Variants in PLEKHA6 observed in about 807,000 individuals in gnomAD.
PLEKHA6 encodes pleckstrin homology domain-containing family A member 6.
In PLEKHA6, 60 loss-of-function variants were observed where a neutral mutation model predicts 116.7. The ratio of observed to expected loss-of-function variants is 0.51; its 90% CI spans 0.42 to 0.64. The LOEUF (loss-of-function observed/expected upper bound fraction) is 0.64, where lower values mean the gene tolerates loss of function less well. PLEKHA6 is among the 30% of genes least tolerant of loss of function. The probability of loss-of-function intolerance (pLI) is 0.00; values close to 1 mark genes in which losing one functional copy is unlikely to be tolerated. For missense variants in PLEKHA6, 1,338 were observed against 1,422.7 expected (o/e 0.94, Z 0.96); for synonymous variants, 489 against 556.1 (o/e 0.88, Z 1.70).
rs183116187 is a variant in PLEKHA6, at chr1:204,286,468, C to T, written c.-94-11659G>A. On this transcript the variant is annotated intron_variant, in intron 1 of 22. Transcript: ENST00000272203. ...AAAGGGATGCAGCACAGGTGCCAGC[C>T]GGGACAGAAGCCGGCCTCCATAAGT... 4.9e-3 allele frequency among the ~76,000 whole-genome samples: 739 copies of T among 152,162 alleles called. 9 individuals carry two copies. Among genetic ancestry groups the T allele is most frequent in the African/African-American group, 0.017 (696 of 41,506 alleles).
At chr1:204,344,944 A>T (rs1672979620) in intron 1 of PLEKHA6, among the ~76,000 whole-genome samples, 1 of 152,182 alleles carries the variant, frequency 6.6e-6, no homozygotes, top group Non-Finnish European at 1.5e-5. Context: ...CCCGCACCTC[A>T]TTCCCTGTAT....
chr1:204,259,351 G>A lies in PLEKHA6; in HGVS notation c.914C>T (p.Pro305Leu). 1 of 1,614,230 alleles carries A rather than the reference G, an allele frequency of 6.2e-7. No individual in the cohort carries two copies. Among genetic ancestry groups the A allele is most frequent in the Non-Finnish European group, 8.5e-7 (1 of 1,180,048 alleles). The change falls in exon 8 of 23, where the codon CCT (proline) becomes CTT (leucine). Residue 305 changes from proline (P) to leucine (L), a missense_variant. Pro to Leu is a moderately conservative substitution (Grantham distance 98, BLOSUM62 -3). This residue lies in a region of PLEKHA6 where 1,136 missense variants were observed against 1,163.6 expected (regional missense o/e 0.98). Coordinates refer to ENST00000272203, the MANE Select transcript of PLEKHA6 (RefSeq NM_014935.5). The surrounding 1 kb of genome is among the most constrained non-coding windows in gnomAD (Gnocchi z 4.6). ...HRRSFPPRTNPDKIAQRKSSM... is the reference protein window; with the variant it reads ...HRRSFPPRTNLDKIAQRKSSM... ...GCTCTTGCGCTGGGCAATTTTGTCA[G>A]GGTTGGTGCGTGGTGGGAAACTCCG...
intron 1 of PLEKHA6, chr1:204,301,516 GCTTC>G (rs1384955268): frequency 2.0e-6 from 2 of 978,352 alleles, no homozygotes; most frequent in African/African-American, 1.8e-5. Flanking sequence ...ACCTCATTGG[GCTTC>G]CAGCCCTCTC....
At chr1:204,262,649 A>T (rs560096969) in intron 6 of PLEKHA6, among the ~76,000 whole-genome samples, 1 of 151,986 alleles carries the variant, frequency 6.6e-6, no homozygotes, top group Non-Finnish European at 1.5e-5. Flanking sequence ...ACACCCTCTA[A>T]ATGCTCAAAA....
intron 1 of PLEKHA6, chr1:204,297,908 T>C: frequency 1.0e-6 from 1 of 985,206 alleles, no homozygotes. Context: ...AGACGGCATC[T>C]TGATCTAGGA....
chr1:204,365,068 A>G (rs2103401306), intron 3 of PLEKHA6, among the ~76,000 whole-genome samples: 1 of 152,288 alleles, frequency 6.6e-6, no homozygotes, highest in Middle Eastern at 3.4e-3. Context: ...CCCCGGAAGC[A>G]TGAAAGGGAA....
intron 9 of PLEKHA6, among the ~76,000 whole-genome samples, chr1:204,256,018 C>T (rs756653466): frequency 6.6e-6 from 1 of 152,178 alleles, no homozygotes; most frequent in Non-Finnish European, 1.5e-5. Context: ...CTGGAAAAAT[C>T]GGTTGTTTCT....
At position 204,319,708 on chromosome 1, in the gene PLEKHA6, C is replaced by T. The variant is rs74138375; in HGVS notation, c.-95+39986G>A. ...CACAGCACTCTGAGTTCCTTGAGGG[C>T]AGTGGCCGTGTCTTACTCATCTTTG... On this transcript the variant is annotated intron_variant, in intron 1 of 22. Transcript: ENST00000272203. Among the ~76,000 whole-genome samples the T allele has an allele frequency of 5.7e-3, 863 of 152,272 alleles. 12 individuals are homozygous for T. The highest frequency in any genetic ancestry group is 0.02 in the African/African-American group (832 of 41,548).
rs1228061033 is a variant in PLEKHA6, at chr1:204,239,000, C to G, written c.2409+2375G>C. On this transcript the variant is annotated intron_variant, in intron 17 of 22. Coordinates refer to ENST00000272203, the MANE Select transcript of PLEKHA6 (RefSeq NM_014935.5). This position sits in a 1 kb window ranked among gnomAD's most constrained non-coding sequence, Gnocchi z 4.2. ...GGTCAGGGACTTTGAAGAAGTATGACTGGAAAATTGGTGACAAAGAAATTT... is the reference window on the plus strand; with the variant it reads ...GGTCAGGGACTTTGAAGAAGTATGAGTGGAAAATTGGTGACAAAGAAATTT... Among the ~76,000 whole-genome samples the G allele has an allele frequency of 5.9e-5, 9 of 152,184 alleles. No individual in the cohort carries two copies. Among genetic ancestry groups the G allele is most frequent in the Non-Finnish European group, 1.2e-4 (8 of 68,034 alleles).
At chr1:204,367,444 C>G (rs142290759) in intron 3 of PLEKHA6, among the ~76,000 whole-genome samples, 1 of 152,184 alleles carries the variant, frequency 6.6e-6, no homozygotes, top group Non-Finnish European at 1.5e-5. Context: ...TCCTGCCCCG[C>G]GGCTGCGTCT....
chr1:204,255,120 T>A (rs1159548088), intron 9 of PLEKHA6, among the ~76,000 whole-genome samples: 3 of 152,190 alleles, frequency 2.0e-5, no homozygotes, highest in African/African-American at 7.2e-5. Flanking sequence ...GAGGAACTAA[T>A]GAATACACTG....
intron 1 of PLEKHA6, among the ~76,000 whole-genome samples, chr1:204,351,935 G>A (rs1236211467): frequency 1.3e-5 from 2 of 152,152 alleles, no homozygotes; most frequent in African/African-American, 4.8e-5. Context: ...TTAGCCAGGC[G>A]TGGTGGTGCA....
At chr1:204,298,258 C>T (rs1241614641) in intron 1 of PLEKHA6, among the ~76,000 whole-genome samples, 1 of 152,162 alleles carries the variant, frequency 6.6e-6, no homozygotes, top group Non-Finnish European at 1.5e-5. Flanking sequence ...TCCTTGTGAG[C>T]CCCAGATGGA....
intron 5 of PLEKHA6, among the ~76,000 whole-genome samples, chr1:204,266,199 G>A (rs1017112912): frequency 2.6e-5 from 4 of 152,188 alleles, no homozygotes; most frequent in African/African-American, 9.7e-5. Context: ...GGGTAAACCA[G>A]AGTAGTAGGA....
chr1:204,276,221 T>C, intron 1 of PLEKHA6, among the ~76,000 whole-genome samples: 1 of 152,194 alleles, frequency 6.6e-6, no homozygotes, highest in East Asian at 1.9e-4. Flanking sequence ...ACAGTCTATG[T>C]GGAAATCTGG....
In PLEKHA6 at chr1:204,220,690, A is replaced by T. The variant is rs1659550375; in HGVS notation, c.*2098T>A. The T allele has an allele frequency of 6.6e-6, 1 of 152,638 alleles. No homozygotes were observed. The allele number at this position is 152,638 out of a possible 1,614,324, so 9.5% of individuals were successfully genotyped here. On this transcript the variant is annotated 3_prime_UTR_variant, in exon 23 of 23. Coordinates refer to ENST00000272203, the MANE Select transcript of PLEKHA6 (RefSeq NM_014935.5). Reference sequence around the variant, plus strand: ...AAGGGAGAGAAAAACAGGCCTGGGCAGGAACTGTAGGAAAAGATCAGACAT... The same window carrying T: ...AAGGGAGAGAAAAACAGGCCTGGGCTGGAACTGTAGGAAAAGATCAGACAT...
At chr1:204,241,553 ATC>A in intron 16 of PLEKHA6, 72 bp from the exon 17 acceptor site, 2 of 1,397,346 alleles carry the variant, frequency 1.4e-6, no homozygotes, top group East Asian at 4.7e-5. Context: ...CTCAGAGACA[ATC>A]TCAGCCCCAC....
rs187654483 is a variant in PLEKHA6 at position 204,230,734 on chromosome 1, C to T, written c.2410-148G>A. On this transcript the variant is annotated intron_variant, in intron 17 of 22. Coordinates refer to ENST00000272203, the MANE Select transcript of PLEKHA6 (RefSeq NM_014935.5). ...CCAAAAGATATGTCCAAGTCCCAAC[C>T]CCAGGTATCTGAGAGTGTAACCTTA... 21 of 634,694 alleles carry T rather than the reference C, an allele frequency of 3.3e-5. No homozygotes were observed. The African/African-American group carries it at 4.0e-4, about 12-fold the overall frequency. 39.3% of individuals were successfully genotyped at this position (634,694 alleles called of 1,614,324 possible). A position where few individuals can be genotyped will look rare whatever the true frequency, so the allele number is the denominator to read the frequency against.
chr1:204,301,540 C>G, intron 1 of PLEKHA6: 1 of 874,078 alleles, frequency 1.1e-6, no homozygotes. Flanking sequence ...CTCCACCCTA[C>G]CACCACCCCA....
Sources: allele counts gnomAD v4.1 joint callset (sites outside exome capture counted in the v4.1 genomes callset), GRCh38; gene constraint gnomAD v4.1.1; regional missense constraint gnomAD v4.1.1; non-coding constraint Gnocchi (gnomAD v3.1); transcripts MANE v1.5; gene names NCBI Gene and HGNC (gene_info 2026-07-23, HGNC 2026-07-21).